ROR1: variants seen among roughly 807,000 people sequenced by gnomAD.
ROR1 encodes ROR family WNT receptor 1.
Under a neutral mutation model 78.8 loss-of-function variants are expected in ROR1, and 19 were observed. The observed-to-expected ratio is 0.24, with a 90% confidence interval of 0.17 to 0.35. ROR1 has a LOEUF of 0.35. Ranked by LOEUF, ROR1 falls within the 10% of genes least tolerant of loss-of-function variation. The pLI is 1.00. For missense variants in ROR1, 917 were observed against 1,177.8 expected, an observed-to-expected ratio of 0.78 and a Z score of 3.24; for synonymous variants, 386 against 433.6, an observed-to-expected ratio of 0.89 and a Z score of 1.36.
chr1:64,137,328 A>G, intron 4 of ROR1, 41 bp from the exon 5 acceptor site: 1 of 1,611,706 alleles, frequency 6.2e-7, no homozygotes, highest in Non-Finnish European at 8.5e-7. Context: ...CCCTGTATGT[A>G]TGTGGTGCAT....
chr1:63,786,055 C>G (rs1350878448), intron 1 of ROR1, among the ~76,000 whole-genome samples: 1 of 151,852 alleles, frequency 6.6e-6, no homozygotes, highest in East Asian at 1.9e-4. Flanking sequence ...AAGGGGGGAG[C>G]TGAACTGAGC....
At chr1:63,962,014 C>A (rs1009876538) in intron 1 of ROR1, among the ~76,000 whole-genome samples, 4 of 152,174 alleles carry the variant, frequency 2.6e-5, no homozygotes, top group African/African-American at 9.7e-5. Flanking sequence ...TTACCCAGCA[C>A]TTTGAGAGGC....
chr1:63,834,243 G>T (rs1645006655), intron 1 of ROR1, among the ~76,000 whole-genome samples: 1 of 151,912 alleles, frequency 6.6e-6, no homozygotes, highest in Non-Finnish European at 1.5e-5. Flanking sequence ...GATATTTAAA[G>T]TGGGTTACTC....
rs147406999 is a variant in ROR1 at position 63,950,190 on chromosome 1, A to G, written c.92-59115A>G. Among the ~76,000 whole-genome samples the G allele has an allele frequency of 5.1e-3, 775 of 152,332 alleles. 11 individuals carry two copies. Among genetic ancestry groups the G allele is most frequent in the African/African-American group, 0.018 (749 of 41,564 alleles). ...GCAAGACAGAATTCGAGGCAAGTCCACAGATTAAAGTGAAAGCAAGTTTAT... is the reference window on the plus strand; with the variant it reads ...GCAAGACAGAATTCGAGGCAAGTCCGCAGATTAAAGTGAAAGCAAGTTTAT... On this transcript the variant is annotated intron_variant, in intron 1 of 8. Coordinates refer to ENST00000371079, the MANE Select transcript of ROR1 (RefSeq NM_005012.4).
At position 63,986,430 on chromosome 1, in the gene ROR1, AAG is replaced by A. The variant is rs1357517777; in HGVS notation, c.92-22871_92-22870del. On this transcript the variant is annotated intron_variant, in intron 1 of 8. Transcript: ENST00000371079. ...AGGAATGAAAATGGGCATCCCAAGA[AAG>A]AGAATCACGGATCGAAAGGGCAGGT... is the stretch of plus-strand genomic sequence containing the variant. 5.9e-5 allele frequency among the ~76,000 whole-genome samples: 9 copies of A among 152,318 alleles called. No individual in the cohort carries two copies. In the South Asian group the frequency reaches 8.3e-4, roughly 14 times the overall value.
chr1:64,142,995 CA>C, intron 7 of ROR1: 5 of 1,094,332 alleles, frequency 4.6e-6, no homozygotes, highest in African/African-American at 1.6e-5. Flanking sequence ...ACCTTTTCAG[CA>C]AAAAAAGGAA....
intron 2 of ROR1, among the ~76,000 whole-genome samples, chr1:64,040,575 T>C (rs541565749): frequency 1.3e-5 from 2 of 152,170 alleles, no homozygotes; most frequent in African/African-American, 2.4e-5. Context: ...AACTTATTTC[T>C]TACAGTTCTG....
chr1:64,174,678 A>G (rs1020028647), intron 8 of ROR1, among the ~76,000 whole-genome samples: 4 of 152,204 alleles, frequency 2.6e-5, no homozygotes, highest in Non-Finnish European at 5.9e-5. Context: ...CTACTTTGCC[A>G]TTCAAGGGAC....
chr1:64,104,315 G>C (rs1314955945), intron 4 of ROR1, among the ~76,000 whole-genome samples: 2 of 151,954 alleles, frequency 1.3e-5, no homozygotes, highest in Non-Finnish European at 2.9e-5. Flanking sequence ...CCTCTTGTAG[G>C]TGGTTTTTAA....
chr1:63,776,286 T>G (rs1644615898), intron 1 of ROR1, among the ~76,000 whole-genome samples: 1 of 152,250 alleles, frequency 6.6e-6, no homozygotes, highest in African/African-American at 2.4e-5. Flanking sequence ...ACACCCTTCT[T>G]ATCAGCAGCC....
rs1400090234 is a variant in ROR1, at chr1:64,159,054, G to A, written c.1248G>A (p.Leu416=). 1 of 1,614,124 alleles carries A rather than the reference G, an allele frequency of 6.2e-7. No homozygotes were observed. Among genetic ancestry groups the A allele is most frequent in the Non-Finnish European group, 8.5e-7 (1 of 1,179,988 alleles). The change falls in exon 8 of 9, where the codon CTG becomes CTA. Residue 416 remains leucine (L), a synonymous_variant. Transcript: ENST00000371079. Reference sequence around the variant, plus strand: ...TAGTGCCAAGTGTGGCCATTCCCCTGGCCATTGCTTTACTCTTCTTCTTCA... The same window carrying A: ...TAGTGCCAAGTGTGGCCATTCCCCTAGCCATTGCTTTACTCTTCTTCTTCA... ...YILVPSVAIP[L]AIALLFFFIC... is the part of the protein sequence containing the mutation.
chr1:63,790,479 A>G (rs1201475459), intron 1 of ROR1, among the ~76,000 whole-genome samples: 1 of 152,272 alleles, frequency 6.6e-6, no homozygotes, highest in African/African-American at 2.4e-5. Context: ...GGGCAGCTCC[A>G]GAGCTGGGCT....
intron 1 of ROR1, among the ~76,000 whole-genome samples, chr1:63,916,429 A>G (rs1263534558): frequency 2.6e-5 from 4 of 152,218 alleles, no homozygotes; most frequent in Non-Finnish European, 4.4e-5. Context: ...ATAACAGACT[A>G]CAAAACCCCT....
At chr1:63,882,223 G>A (rs1006717011) in intron 1 of ROR1, among the ~76,000 whole-genome samples, 4 of 152,186 alleles carry the variant, frequency 2.6e-5, no homozygotes, top group Non-Finnish European at 5.9e-5. Flanking sequence ...AAGGCAAATT[G>A]TTCTTTGTAC....
intron 1 of ROR1, among the ~76,000 whole-genome samples, chr1:63,804,925 G>T (rs78253631): frequency 0.023 from 3,525 of 152,310 alleles, 74 homozygotes; most frequent in Middle Eastern, 0.088. Flanking sequence ...GAATGCTAGA[G>T]CCTGAGATCT....
chr1:64,138,536 G>A (rs1649197189), intron 5 of ROR1, among the ~76,000 whole-genome samples: 1 of 151,560 alleles, frequency 6.6e-6, no homozygotes, highest in Non-Finnish European at 1.5e-5. Context: ...GGGGGGAAGA[G>A]GGAGGAGGAC....
chr1:63,860,820 G>A (rs1230747513), intron 1 of ROR1, among the ~76,000 whole-genome samples: 1 of 151,874 alleles, frequency 6.6e-6, no homozygotes, highest in Non-Finnish European at 1.5e-5. Flanking sequence ...GTACAATCTG[G>A]TGGTAGACAC....
At chr1:64,100,042 G>A (rs1647461814) in intron 4 of ROR1, among the ~76,000 whole-genome samples, 1 of 151,736 alleles carries the variant, frequency 6.6e-6, no homozygotes, top group Non-Finnish European at 1.5e-5. Flanking sequence ...GCAACAGAGT[G>A]AGACTCTGTC....
intron 1 of ROR1, among the ~76,000 whole-genome samples, chr1:63,868,172 C>T (rs536733321): frequency 2.6e-5 from 4 of 152,170 alleles, no homozygotes; most frequent in South Asian, 4.1e-4. Flanking sequence ...TTTTTGCCAA[C>T]GCTATGACAA....
Sources: gnomAD v4.1 joint callset for allele counts (sites outside exome capture counted in the v4.1 genomes callset) on GRCh38, gnomAD v4.1.1 for gene constraint, MANE v1.5 for transcripts, NCBI Gene and HGNC (gene_info 2026-07-23, HGNC 2026-07-21) for gene names.